ADAMTS9: variants seen among roughly 807,000 people sequenced by gnomAD.
The protein encoded by ADAMTS9 is ADAM metallopeptidase with thrombospondin type 1 motif 9.
In ADAMTS9, 107 loss-of-function variants were observed where a neutral mutation model predicts 257.1. The ratio of observed to expected loss-of-function variants is 0.42; its 90% CI spans 0.36 to 0.49. The LOEUF is 0.49. Ranked by LOEUF, ADAMTS9 falls within the 20% of genes least tolerant of loss-of-function variation. ADAMTS9 has a pLI of 0.03. For synonymous variants in ADAMTS9, 982 were observed against 880.9 expected (o/e 1.11, Z -2.03); for missense variants, 2,353 against 2,469.1 (o/e 0.95, Z 1.00).
At chr3:64,654,268 A>C in intron 8 of ADAMTS9, 85 bp downstream of exon 8, 1 of 1,355,312 alleles carries the variant, frequency 7.4e-7, no homozygotes, top group Non-Finnish European at 1.0e-6. Flanking sequence ...TACACACTCG[A>C]AAGTCAAGTA....
rs1007922918 is a variant in ADAMTS9, at chr3:64,687,570, G to T, written c.88C>A (p.Arg30Ser). The T allele has an allele frequency of 3.2e-6, 5 of 1,564,824 alleles. No homozygotes were observed. The highest frequency in any genetic ancestry group is 4.3e-6 in the Non-Finnish European group (5 of 1,155,962). The change falls in exon 1 of 40, where the codon CGC becomes AGC. Residue 30 changes from arginine to serine, a missense_variant. Coordinates refer to ENST00000498707, the MANE Select transcript of ADAMTS9 (RefSeq NM_182920.2). The surrounding 1 kb of genome is among the most constrained non-coding windows in gnomAD (Gnocchi z 4.4). The part of the protein sequence containing the change: ...MGSPDAAAAV[R>S]KDRLHPRQVK... ...TGCCTCGGGTGCAGCCTGTCCTTGC[G>T]CACGGCCGCCGCGGCGTCTGGGCTC...
At chr3:64,564,728 C>T (rs2083499497) in intron 29 of ADAMTS9, among the ~76,000 whole-genome samples, 1 of 151,916 alleles carries the variant, frequency 6.6e-6, no homozygotes, top group South Asian at 2.1e-4. Context: ...AAAACTGTCT[C>T]TAGACATTCC....
intron 12 of ADAMTS9, among the ~76,000 whole-genome samples, chr3:64,635,533 G>A (rs185178619): frequency 8.3e-4 from 126 of 152,274 alleles, no homozygotes; most frequent in African/African-American, 2.1e-3. Context: ...CCCATATACT[G>A]TATATCTGCA....
intron 28 of ADAMTS9, chr3:64,583,694 A>G (rs1027874610): frequency 1.3e-5 from 2 of 152,152 alleles, no homozygotes; most frequent in African/African-American, 4.8e-5. Flanking sequence ...GAACTATTGA[A>G]TTATACTAAG....
At chr3:64,635,957 C>T (rs993341295) in intron 12 of ADAMTS9, among the ~76,000 whole-genome samples, 10 of 152,196 alleles carry the variant, frequency 6.6e-5, no homozygotes, top group Admixed American at 6.5e-5. Context: ...TTCAATTTTT[C>T]CTCCAGTTGA....
chr3:64,543,158 C>T (rs1319733608), intron 32 of ADAMTS9, among the ~76,000 whole-genome samples: 3 of 152,274 alleles, frequency 2.0e-5, no homozygotes, highest in South Asian at 2.1e-4. Context: ...CAGGACCAGA[C>T]AGATTCACAG....
At chr3:64,607,252 T>G (rs2084575693) in intron 22 of ADAMTS9, among the ~76,000 whole-genome samples, 173 bp from the exon 23 acceptor site, 1 of 152,212 alleles carries the variant, frequency 6.6e-6, no homozygotes, top group African/African-American at 2.4e-5. Context: ...TTATACTGAT[T>G]CATTATTATG....
intron 29 of ADAMTS9, among the ~76,000 whole-genome samples, chr3:64,566,429 A>T (rs1049640643): frequency 1.3e-5 from 2 of 152,198 alleles, no homozygotes; most frequent in African/African-American, 4.8e-5. Flanking sequence ...TGCATTTTCT[A>T]CAAAGGTGAC....
At chr3:64,605,461 T>G (rs904475983) in intron 23 of ADAMTS9, among the ~76,000 whole-genome samples, 1 of 152,340 alleles carries the variant, frequency 6.6e-6, no homozygotes, top group South Asian at 2.1e-4. Flanking sequence ...CATATTAATT[T>G]ATTTTTTTAA....
At chr3:64,615,854 G>A in intron 20 of ADAMTS9, 106 bp downstream of exon 20, 1 of 1,328,222 alleles carries the variant, frequency 7.5e-7, no homozygotes, top group Non-Finnish European at 1.1e-6. Flanking sequence ...ATCAATCACG[G>A]TCATCTCTTC....
rs60660621 is a variant in ADAMTS9, at chr3:64,659,473, CAAAAAAAAA to C, written c.680-691_680-683del. ...AGACAAAGGGATACTCTGTCTCAAA[CAAAAAAAAA>C]AAAAAAAAAAGGAAATGTTTCATAT... On this transcript the variant is annotated intron_variant, in intron 3 of 39. Coordinates refer to ENST00000498707, the MANE Select transcript of ADAMTS9 (RefSeq NM_182920.2). Among the ~76,000 whole-genome samples, 7 of 90,670 alleles carry C rather than the reference CAAAAAAAAA, an allele frequency of 7.7e-5. No individual in the cohort carries two copies. In the South Asian group the frequency reaches 1.8e-3, roughly 23 times the overall value. 59.5% of individuals were successfully genotyped at this position (90,670 alleles called of 152,430 possible).
At position 64,642,008 on chromosome 3, in the gene ADAMTS9, G is replaced by A. The variant is rs1700657304; in HGVS notation, c.1711-15C>T. ...TACTTGCAGTGCTGTATTTAATAAG[G>A]GGAATAGTGAGGGAGACTTGGCGCT... On this transcript the variant is annotated splice_polypyrimidine_tract_variant and intron_variant, in intron 11 of 39. Transcript: ENST00000498707. The A allele has an allele frequency of 1.2e-6, 2 of 1,613,606 alleles. No individual in the cohort carries two copies. Among genetic ancestry groups the A allele is most frequent in the South Asian group, 1.1e-5 (1 of 91,032 alleles).
intron 28 of ADAMTS9, chr3:64,588,939 T>C (rs1031952201): frequency 2.0e-5 from 3 of 152,226 alleles, no homozygotes; most frequent in African/African-American, 7.2e-5. Flanking sequence ...CATAACACTT[T>C]GTTCCACAAA....
intron 32 of ADAMTS9, among the ~76,000 whole-genome samples, chr3:64,542,537 C>G (rs1459799211): frequency 6.6e-6 from 1 of 151,322 alleles, no homozygotes; most frequent in Non-Finnish European, 1.5e-5. Context: ...AAGCGATTCT[C>G]CTGCCTCAGA....
intron 30 of ADAMTS9, among the ~76,000 whole-genome samples, chr3:64,560,873 T>TC (rs2083409015): frequency 6.6e-6 from 1 of 151,946 alleles, no homozygotes; most frequent in African/African-American, 2.4e-5. Context: ...TCTAATTCTT[T>TC]CCCCCCCTTT....
At chr3:64,575,097 T>C (rs1169770059) in intron 28 of ADAMTS9, among the ~76,000 whole-genome samples, 2 of 152,162 alleles carry the variant, frequency 1.3e-5, no homozygotes, top group Non-Finnish European at 2.9e-5. Flanking sequence ...TATTAACTCG[T>C]TGAGGCCTGC....
Position 64,516,300 on chromosome 3 carries a change from C to A in ADAMTS9, c.*827G>T, listed in dbSNP as rs1309316574. On this transcript the variant is annotated 3_prime_UTR_variant, in exon 40 of 40. Coordinates refer to ENST00000498707, the MANE Select transcript of ADAMTS9 (RefSeq NM_182920.2). ...TAATGAAGCTGCTTGGGGGATCCTC[C>A]ATTTGATTGTGGAGAGACCAAGGCA... 6.6e-6 allele frequency: 1 copy of A among 152,496 alleles called. No individual in the cohort carries two copies. The highest frequency in any genetic ancestry group is 1.5e-5 in the Non-Finnish European group (1 of 68,036). The allele number at this position is 152,496 out of a possible 1,614,324, so 9.4% of individuals were successfully genotyped here.
intron 31 of ADAMTS9, 29 bp from the exon 32 acceptor site, chr3:64,546,981 T>A: frequency 1.3e-6 from 2 of 1,583,082 alleles, no homozygotes; most frequent in Non-Finnish European, 1.7e-6. Flanking sequence ...AGAGGAGAGG[T>A]TCGAGCAGTT....
intron 12 of ADAMTS9, among the ~76,000 whole-genome samples, chr3:64,635,202 A>C (rs765175925): frequency 5.9e-5 from 9 of 152,142 alleles, no homozygotes; most frequent in Non-Finnish European, 1.0e-4. Context: ...CCTCCTAGAG[A>C]AGCTTGTCCT....
Sources: gnomAD v4.1 joint callset for allele counts (sites outside exome capture counted in the v4.1 genomes callset) on GRCh38, gnomAD v4.1.1 for gene constraint, Gnocchi (gnomAD v3.1) non-coding constraint, MANE v1.5 for transcripts, NCBI Gene and HGNC (gene_info 2026-07-23, HGNC 2026-07-21) for gene names.